IQCB1: variants seen among roughly 807,000 people sequenced by gnomAD.
The protein encoded by IQCB1 is IQ motif containing B1, also known as IQ calmodulin-binding motif-containing protein 1.
A neutral mutation model predicts 84.4 loss-of-function variants in IQCB1; 56 were observed. The ratio of observed to expected loss-of-function variants is 0.66; its 90% confidence interval spans 0.54 to 0.83. The LOEUF is 0.83. IQCB1 is among the 40% of genes least tolerant of loss of function. IQCB1 has a pLI of 0.00. For missense variants in IQCB1, 629 were observed against 682.1 expected, an observed-to-expected ratio of 0.92 and a Z score of 0.87; for synonymous variants, 210 against 234.8, an observed-to-expected ratio of 0.89 and a Z score of 0.96.
In IQCB1 at chr3:121,770,631, G is replaced by A. The variant is rs187598663; in HGVS notation, c.1568-57C>T. 1.8e-3 allele frequency: 2,311 copies of A among 1,314,502 alleles called. 15 individuals are homozygous for A. Among genetic ancestry groups the A allele is most frequent in the Middle Eastern group, 7.1e-3 (39 of 5,530 alleles). 81.4% of individuals were successfully genotyped at this position (1,314,502 alleles called of 1,614,324 possible). A position where few individuals can be genotyped will look rare whatever the true frequency, so the allele number is the denominator to read the frequency against. On this transcript the variant is annotated intron_variant, in intron 14 of 14. Transcript: ENST00000310864. ...GAAGAGTCCTATGCCAAGCAGGTAG[G>A]AACTTGGAAGCTACAGAGCTGTAAC...
At chr3:121,809,337 AG>A (rs1215218119) in intron 5 of IQCB1, among the ~76,000 whole-genome samples, 3 of 152,048 alleles carry the variant, frequency 2.0e-5, no homozygotes, top group Non-Finnish European at 2.9e-5. Context: ...TCTATGCACA[AG>A]CTTTAGTTCA....
intron 14 of IQCB1, among the ~76,000 whole-genome samples, chr3:121,771,991 T>G (rs897954038): frequency 6.6e-6 from 1 of 151,984 alleles, no homozygotes; most frequent in Non-Finnish European, 1.5e-5. Context: ...CTGGCCAACA[T>G]GGTGAAACTC....
chr3:121,783,072 A>G (rs1307712510), intron 12 of IQCB1, among the ~76,000 whole-genome samples: 1 of 152,210 alleles, frequency 6.6e-6, no homozygotes, highest in African/African-American at 2.4e-5. Context: ...TGCAAAGCCT[A>G]AAATATTTTA....
chr3:121,772,421 G>T, intron 14 of IQCB1, 136 bp downstream of exon 14: 1 of 812,518 alleles, frequency 1.2e-6, no homozygotes, highest in Non-Finnish European at 2.1e-6. Flanking sequence ...GTGCTGGTCT[G>T]ATCTATGTAG....
At chr3:121,795,125 T>C (rs1050687806) in intron 10 of IQCB1, among the ~76,000 whole-genome samples, 4 of 152,150 alleles carry the variant, frequency 2.6e-5, no homozygotes, top group South Asian at 2.1e-4. Context: ...CATGTTATTG[T>C]TATAATTATA....
chr3:121,793,322 G>A (rs1047776989), intron 10 of IQCB1, among the ~76,000 whole-genome samples: 1 of 152,142 alleles, frequency 6.6e-6, no homozygotes, highest in Non-Finnish European at 1.5e-5. Flanking sequence ...CACTATGAAA[G>A]TGCATTAGCA....
At chr3:121,821,011 GAT>G (rs1950256039) in intron 5 of IQCB1, among the ~76,000 whole-genome samples, 1 of 150,072 alleles carries the variant, frequency 6.7e-6, no homozygotes, top group African/African-American at 2.5e-5. Flanking sequence ...TTTTTAAAGA[GAT>G]AGGATCTTGC....
chr3:121,784,040 C>T (rs1948610545), intron 12 of IQCB1, among the ~76,000 whole-genome samples: 2 of 152,120 alleles, frequency 1.3e-5, no homozygotes, highest in African/African-American at 4.8e-5. Flanking sequence ...CTGTATTGGA[C>T]ACTTAATTGG....
chr3:121,777,910 C>CTTT (rs1224307296), intron 13 of IQCB1, among the ~76,000 whole-genome samples: 2 of 141,794 alleles, frequency 1.4e-5, no homozygotes, highest in Non-Finnish European at 1.5e-5. Flanking sequence ...TTCTTGCCCA[C>CTTT]TTTTTTTTTT....
chr3:121,809,056 C>CTTTTT, intron 5 of IQCB1, 47 bp from the exon 6 acceptor site: 3 of 893,106 alleles, frequency 3.4e-6, no homozygotes, highest in Non-Finnish European at 5.1e-6. Flanking sequence ...AGTTTTTTTC[C>CTTTTT]TTTTTTTTTT....
At chr3:121,797,343 G>A (rs1949239709) in intron 8 of IQCB1, 116 bp from the exon 9 acceptor site, 1 of 543,952 alleles carries the variant, frequency 1.8e-6, no homozygotes, top group Admixed American at 3.3e-5. Context: ...ATGAAAACAA[G>A]ATTAATCATA....
intron 12 of IQCB1, among the ~76,000 whole-genome samples, chr3:121,784,047 T>C (rs918260620): frequency 6.6e-6 from 1 of 152,232 alleles, no homozygotes; most frequent in African/African-American, 2.4e-5. Context: ...GGACACTTAA[T>C]TGGTCCCCTT....
At chr3:121,796,215 C>T (rs1949189701) in intron 9 of IQCB1, among the ~76,000 whole-genome samples, 1 of 152,026 alleles carries the variant, frequency 6.6e-6, no homozygotes, top group African/African-American at 2.4e-5. Context: ...TTCATATATA[C>T]AGAAAAAAGG....
At chr3:121,797,003 TG>T in intron 9 of IQCB1, 114 bp downstream of exon 9, 1 of 726,096 alleles carries the variant, frequency 1.4e-6, no homozygotes, top group South Asian at 1.4e-5. Flanking sequence ...ATTTCTGTTT[TG>T]GGGGTATTTT....
chr3:121,775,832 A>C (rs1329145158), intron 13 of IQCB1, among the ~76,000 whole-genome samples: 1 of 152,198 alleles, frequency 6.6e-6, no homozygotes, highest in Non-Finnish European at 1.5e-5. Context: ...ACACATACCT[A>C]GTTCATCACT....
chr3:121,771,422 G>A (rs1433651047), intron 14 of IQCB1, among the ~76,000 whole-genome samples: 6 of 151,386 alleles, frequency 4.0e-5, no homozygotes, highest in South Asian at 2.1e-4. Context: ...TCCGCCTCCC[G>A]GGTTCAAGCA....
rs116329711 is a variant in IQCB1, at chr3:121,824,921, T to C, written c.393+1130A>G. On this transcript the variant is annotated intron_variant, in intron 5 of 14. Transcript: ENST00000310864. ...TTACATACAACTGCAGAGTTCACAT[T>C]TGGGTATACAAGTAGTCCTAGCTTT... is the stretch of plus-strand genomic sequence containing the variant. 4.1e-4 allele frequency among the ~76,000 whole-genome samples: 63 copies of C among 152,306 alleles called. 1 individual carries two copies. The highest frequency in any genetic ancestry group is 1.5e-3 in the African/African-American group (63 of 41,572).
intron 7 of IQCB1, among the ~76,000 whole-genome samples, chr3:121,801,922 T>TA (rs1271564623): frequency 6.6e-6 from 1 of 151,764 alleles, no homozygotes; most frequent in Non-Finnish European, 1.5e-5. Flanking sequence ...TTTAGCTTGT[T>TA]AACATAAGTT....
chr3:121,808,983 G>C lies in IQCB1; in HGVS notation c.420C>G (p.His140Gln). 6.2e-7 allele frequency: 1 copy of C among 1,607,670 alleles called. No individual in the cohort carries two copies. The highest frequency in any genetic ancestry group is 8.5e-7 in the Non-Finnish European group (1 of 1,174,924). Residue 140 changes from histidine to glutamine, a missense_variant, in exon 6 of 15, where the codon CAC becomes CAG. Transcript: ENST00000310864. ...AKAEEKDELL[H>Q]FFQIVTDSLF... ...GAGAATCAGTCACAATTTGGAAAAAGTGTAGTAATTCATCTTTTTCTTCAG... is the reference window on the plus strand; with the variant it reads ...GAGAATCAGTCACAATTTGGAAAAACTGTAGTAATTCATCTTTTTCTTCAG...
Sources: gnomAD v4.1 joint callset for allele counts (sites outside exome capture counted in the v4.1 genomes callset) on GRCh38, gnomAD v4.1.1 for gene constraint, MANE v1.5 for transcripts, NCBI Gene and HGNC (gene_info 2026-07-23, HGNC 2026-07-21) for gene names.